FANCL: variants seen among roughly 807,000 people sequenced by gnomAD.
FANCL encodes the protein E3 ubiquitin-protein ligase FANCL.
In FANCL, 69 loss-of-function variants were observed where a neutral mutation model predicts 59.4. The ratio of observed to expected loss-of-function variants is 1.16; its 90% confidence interval spans 0.96 to 1.42. FANCL has a LOEUF of 1.42. Ranked by LOEUF, FANCL falls within the 40% of genes most tolerant of loss-of-function variation. The pLI, the probability that FANCL is intolerant of heterozygous loss-of-function variation, is 0.00. For missense variants in FANCL, 519 were observed against 447.2 expected, an observed-to-expected ratio of 1.16 and a Z score of -1.45; for synonymous variants, 180 against 147.1, an observed-to-expected ratio of 1.22 and a Z score of -1.62.
intron 5 of FANCL, among the ~76,000 whole-genome samples, chr2:58,208,454 T>C (rs1253163751): frequency 6.6e-6 from 1 of 152,238 alleles, no homozygotes; most frequent in African/African-American, 2.4e-5. Flanking sequence ...AGGGATGTTT[T>C]TGTTGTTGTC....
At chr2:58,161,195 T>C (rs1254832100) in intron 12 of FANCL, among the ~76,000 whole-genome samples, 1 of 152,026 alleles carries the variant, frequency 6.6e-6, no homozygotes, top group Non-Finnish European at 1.5e-5. Flanking sequence ...GGTAAACCTA[T>C]GAAGCTTACA....
At chr2:58,161,693 G>T in intron 11 of FANCL, 55 bp from the exon 12 acceptor site, 1 of 1,166,318 alleles carries the variant, frequency 8.6e-7, no homozygotes, top group Non-Finnish European at 1.3e-6. Flanking sequence ...CTTATTCGTT[G>T]TACATATTTG....
At chr2:58,172,850 G>A (rs1231247238) in intron 7 of FANCL, among the ~76,000 whole-genome samples, 1 of 152,106 alleles carries the variant, frequency 6.6e-6, no homozygotes, top group Non-Finnish European at 1.5e-5. Flanking sequence ...AGCTACAGGA[G>A]GAAATTCAAA....
In FANCL at chr2:58,226,999, G is replaced by T. The variant is rs115450328; in HGVS notation, c.217-215C>A. On this transcript the variant is annotated intron_variant, in intron 3 of 13. Transcript: ENST00000233741. The stretch of plus-strand genomic sequence containing the variant: ...AATGTCCTCAAATCTAATTTGCTGA[G>T]ATATATTAAACTGTGTTAGAATGTC... Among the ~76,000 whole-genome samples the T allele has an allele frequency of 4.0e-3, 609 of 152,304 alleles. 4 individuals carry two copies. The highest frequency in any genetic ancestry group is 0.014 in the African/African-American group (585 of 41,556).
chr2:58,202,870 CA>C (rs1257919088), intron 6 of FANCL, among the ~76,000 whole-genome samples: 1 of 151,648 alleles, frequency 6.6e-6, no homozygotes. Context: ...AAAATGAGGA[CA>C]GGGTGTATTT....
chr2:58,231,613 T>G (rs1350607412), intron 2 of FANCL, among the ~76,000 whole-genome samples: 1 of 152,200 alleles, frequency 6.6e-6, no homozygotes, highest in Admixed American at 6.5e-5. Flanking sequence ...ATTTTCAGTC[T>G]CATATCCTGA....
rs1465729302 is a variant in FANCL, at chr2:58,159,381, G to A, written c.*384C>T. 6.2e-7 allele frequency: 1 copy of A among 1,610,822 alleles called. No individual in the cohort carries two copies. The highest frequency in any genetic ancestry group is 8.5e-7 in the Non-Finnish European group (1 of 1,178,826). ...CAAGGAGAAGACAGAAATATCAAGA[G>A]TCTCAAGAACCTTTGAATGAAGTAA... is the stretch of plus-strand genomic sequence containing the variant. On this transcript the variant is annotated 3_prime_UTR_variant, in exon 14 of 14. Transcript: ENST00000233741.
intron 1 of FANCL, among the ~76,000 whole-genome samples, chr2:58,236,367 T>C (rs1028428388): frequency 7.9e-5 from 12 of 151,664 alleles, no homozygotes; most frequent in African/African-American, 2.7e-4. Flanking sequence ...ATATAGTTGA[T>C]AAACCAATAG....
At chr2:58,220,702 C>T in intron 5 of FANCL, among the ~76,000 whole-genome samples, 1 of 152,016 alleles carries the variant, frequency 6.6e-6, no homozygotes, top group East Asian at 1.9e-4. Context: ...TTTTCTGGTT[C>T]TTTTTAGGTT....
intron 7 of FANCL, among the ~76,000 whole-genome samples, chr2:58,190,571 G>A (rs1416773744): frequency 2.6e-5 from 4 of 151,192 alleles, no homozygotes; most frequent in African/African-American, 9.7e-5. Context: ...ACCCAAAAGG[G>A]TGCTACCATC....
intron 8 of FANCL, among the ~76,000 whole-genome samples, chr2:58,164,973 A>G (rs2104810497): frequency 6.6e-6 from 1 of 152,236 alleles, no homozygotes; most frequent in South Asian, 2.1e-4. Flanking sequence ...CTTGGATGTG[A>G]TTCACATCAG....
At chr2:58,236,534 T>C (rs1043955551) in intron 1 of FANCL, among the ~76,000 whole-genome samples, 2 of 148,326 alleles carry the variant, frequency 1.3e-5, no homozygotes, top group Non-Finnish European at 3.0e-5. Flanking sequence ...CAAAAAAGAA[T>C]TCCAATAATA....
intron 1 of FANCL, 27 bp downstream of exon 1, chr2:58,241,191 G>T: frequency 6.2e-7 from 1 of 1,607,874 alleles, no homozygotes; most frequent in South Asian, 1.1e-5. Flanking sequence ...GGCTCTCTTA[G>T]CTAGAAAGCA....
chr2:58,199,529 A>G (rs1001512992), intron 6 of FANCL, among the ~76,000 whole-genome samples: 1 of 152,192 alleles, frequency 6.6e-6, no homozygotes, highest in Non-Finnish European at 1.5e-5. Flanking sequence ...GAAAAAATAA[A>G]ACAGTTTTTA....
chr2:58,233,704 G>A (rs559525907), intron 1 of FANCL, among the ~76,000 whole-genome samples: 47 of 152,060 alleles, frequency 3.1e-4, no homozygotes, highest in African/African-American at 1.0e-3. Flanking sequence ...GAAAAAAAAT[G>A]CATGGGAGAG....
At chr2:58,159,902 T>C (rs369523860) in intron 13 of FANCL, 102 bp from the exon 14 acceptor site, 9 of 1,556,128 alleles carry the variant, frequency 5.8e-6, no homozygotes, top group African/African-American at 5.5e-5. Flanking sequence ...ATAGTACAGT[T>C]TGGAAAACAC....
intron 3 of FANCL, 94 bp downstream of exon 3, chr2:58,229,720 G>T: frequency 1.1e-6 from 1 of 940,426 alleles, no homozygotes; most frequent in Non-Finnish European, 1.7e-6. Context: ...AAACCAGTTT[G>T]TTACAACATT....
intron 7 of FANCL, among the ~76,000 whole-genome samples, chr2:58,168,096 G>A (rs1686141146): frequency 6.6e-6 from 1 of 152,092 alleles, no homozygotes. Flanking sequence ...GTATTTTGCA[G>A]GGAGATGAAT....
intron 7 of FANCL, among the ~76,000 whole-genome samples, chr2:58,185,052 G>C (rs759513031): frequency 3.9e-5 from 6 of 152,016 alleles, no homozygotes; most frequent in Non-Finnish European, 8.8e-5. Context: ...AGAGAAACTA[G>C]AAAACTACCT....
Sources: allele counts gnomAD v4.1 joint callset (sites outside exome capture counted in the v4.1 genomes callset), GRCh38; gene constraint gnomAD v4.1.1; transcripts MANE v1.5; gene names NCBI Gene and HGNC (gene_info 2026-07-23, HGNC 2026-07-21).